GRM1: variants seen among roughly 807,000 people sequenced by gnomAD.
GRM1 encodes the protein glutamate metabotropic receptor 1.
Under a neutral mutation model 90.9 loss-of-function variants are expected in GRM1, and 33 were observed. The ratio of observed to expected loss-of-function variants is 0.36; its 90% CI spans 0.28 to 0.49. The LOEUF (loss-of-function observed/expected upper bound fraction) is 0.49, where lower values mean the gene tolerates loss of function less well. GRM1 is among the 20% of genes least tolerant of loss of function. The pLI is 0.99. For missense variants in GRM1, 1,190 were observed against 1,534.3 expected (o/e 0.78, Z 3.75); for synonymous variants, 700 against 613.2 (o/e 1.14, Z -2.09).
intron 2 of GRM1, among the ~76,000 whole-genome samples, chr6:146,255,959 T>C (rs893011898): frequency 3.9e-5 from 6 of 152,312 alleles, no homozygotes; most frequent in African/African-American, 1.4e-4. Flanking sequence ...TTGGTTTCCT[T>C]GTTGTGACAC....
chr6:146,387,127 G>A, intron 6 of GRM1, 111 bp downstream of exon 6: 1 of 1,057,370 alleles, frequency 9.5e-7, no homozygotes, highest in Non-Finnish European at 1.5e-6. Context: ...AATTTACAAT[G>A]CACACTTTTT....
At chr6:146,420,074 C>G (rs913129208) in intron 7 of GRM1, among the ~76,000 whole-genome samples, 2 of 152,198 alleles carry the variant, frequency 1.3e-5, no homozygotes, top group African/African-American at 4.8e-5. Flanking sequence ...TTGCTGATGT[C>G]TGCCATTGGG....
intron 1 of GRM1, among the ~76,000 whole-genome samples, chr6:146,097,326 G>T (rs1273755236): frequency 6.6e-6 from 1 of 152,016 alleles, no homozygotes; most frequent in Non-Finnish European, 1.5e-5. Context: ...GATTTTTGAT[G>T]ATTCTAAAAA....
At chr6:146,124,811 C>T (rs1776135258) in intron 1 of GRM1, among the ~76,000 whole-genome samples, 1 of 152,100 alleles carries the variant, frequency 6.6e-6, no homozygotes, top group Non-Finnish European at 1.5e-5. Context: ...TTATCTAAAA[C>T]TTCAAGAATC....
intron 1 of GRM1, among the ~76,000 whole-genome samples, chr6:146,034,469 T>C (rs9376976): frequency 0.39 from 59,309 of 151,786 alleles, 11,920 homozygotes; most frequent in Middle Eastern, 0.5. Flanking sequence ...CTTTTATGCT[T>C]GAACAGTTAT....
At chr6:146,028,663 T>C (rs1386476128), upstream of GRM1, among the ~76,000 whole-genome samples, 1 of 152,256 alleles carries the variant, frequency 6.6e-6, no homozygotes, top group Non-Finnish European at 1.5e-5. Flanking sequence ...GTAACTAATG[T>C]GGATTTTCTT....
chr6:146,288,795 C>T (rs1179953542), intron 2 of GRM1, among the ~76,000 whole-genome samples: 1 of 152,084 alleles, frequency 6.6e-6, no homozygotes, highest in African/African-American at 2.4e-5. Context: ...TGTGAGCCAT[C>T]GCGCGGGGCC....
At chr6:146,371,193 G>A (rs577036245) in intron 5 of GRM1, among the ~76,000 whole-genome samples, 1 of 152,062 alleles carries the variant, frequency 6.6e-6, no homozygotes, top group Non-Finnish European at 1.5e-5. Context: ...GGGAAAAACG[G>A]ATCAGTAATT....
In GRM1 at chr6:146,435,244, T is replaced by G. The variant is rs771316126; in HGVS notation, c.*448T>G. ...TGAGTTCACCTGATGGCATTCGGAG[T>G]GAGCTGGTGGAGCCAGACAGAGCAG... On this transcript the variant is annotated 3_prime_UTR_variant, in exon 8 of 8. Coordinates refer to ENST00000282753, the MANE Select transcript of GRM1 (RefSeq NM_001278064.2). 30 of 312,070 alleles carry G rather than the reference T, an allele frequency of 9.6e-5. No homozygotes were observed. The highest frequency in any genetic ancestry group is 1.6e-4 in the Non-Finnish European group (26 of 162,354). The allele number at this position is 312,070 out of a possible 1,614,324, so 19.3% of individuals were successfully genotyped here. A position where few individuals can be genotyped will look rare whatever the true frequency, so the allele number is the denominator to read the frequency against.
rs921713966 is a variant in GRM1 at position 146,414,464 on chromosome 6, C to T, written c.2660+14765C>T. Among the ~76,000 whole-genome samples the T allele has an allele frequency of 2.6e-5, 4 of 151,582 alleles. No homozygotes were observed. The South Asian group carries it at 6.3e-4, about 24-fold the overall frequency. On this transcript the variant is annotated intron_variant, in intron 7 of 7. Transcript: ENST00000282753. ...TGTCGTCCACGCTGGAGTGGAGTGG[C>T]ACGATCTCGGCGCACTGCAAGCTCC...
chr6:146,292,560 A>G (rs1407476206), intron 2 of GRM1, among the ~76,000 whole-genome samples: 1 of 151,990 alleles, frequency 6.6e-6, no homozygotes, highest in Non-Finnish European at 1.5e-5. Context: ...AATCAAAATC[A>G]CAATGAGATA....
intron 3 of GRM1, among the ~76,000 whole-genome samples, chr6:146,320,904 CTT>C (rs1198255272): frequency 6.6e-6 from 1 of 151,742 alleles, no homozygotes; most frequent in Admixed American, 6.6e-5. Context: ...TTTGGTTAAT[CTT>C]TTCAAAAAAG....
chr6:146,147,423 G>C (rs914499632), intron 1 of GRM1, among the ~76,000 whole-genome samples: 1 of 152,164 alleles, frequency 6.6e-6, no homozygotes, highest in Admixed American at 6.5e-5. Context: ...AAAGATGAAA[G>C]ATGATAATTA....
chr6:146,325,277 G>T (rs1291253683), intron 3 of GRM1, among the ~76,000 whole-genome samples: 1 of 152,156 alleles, frequency 6.6e-6, no homozygotes, highest in Non-Finnish European at 1.5e-5. Flanking sequence ...CCAATATAAT[G>T]AACTTCTTTC....
At chr6:146,396,203 G>T (rs1048338827) in intron 6 of GRM1, among the ~76,000 whole-genome samples, 3 of 151,996 alleles carry the variant, frequency 2.0e-5, no homozygotes, top group African/African-American at 7.3e-5. Context: ...TATATAGGAA[G>T]AATAAGTTCT....
intron 1 of GRM1, among the ~76,000 whole-genome samples, chr6:146,150,259 C>T (rs1777275103): frequency 6.6e-6 from 1 of 152,016 alleles, no homozygotes; most frequent in South Asian, 2.1e-4. Context: ...AGGAAACAAA[C>T]AAATTTAGAT....
chr6:146,095,253 C>A (rs899499104), intron 1 of GRM1, among the ~76,000 whole-genome samples: 1 of 152,122 alleles, frequency 6.6e-6, no homozygotes, highest in Non-Finnish European at 1.5e-5. Flanking sequence ...CTTCTGATAG[C>A]AGGGTGTACC....
intron 1 of GRM1, among the ~76,000 whole-genome samples, chr6:146,126,045 A>T (rs767103956): frequency 2.0e-5 from 3 of 152,100 alleles, no homozygotes; most frequent in Non-Finnish European, 4.4e-5. Flanking sequence ...AAACTAGAGA[A>T]AAATGATTTT....
intron 1 of GRM1, among the ~76,000 whole-genome samples, chr6:146,063,616 C>T: frequency 6.6e-6 from 1 of 152,106 alleles, no homozygotes; most frequent in Middle Eastern, 3.4e-3. Flanking sequence ...TTCTATGTCA[C>T]ATTGTGATTT....
Sources: allele counts gnomAD v4.1 joint callset (sites outside exome capture counted in the v4.1 genomes callset), GRCh38; gene constraint gnomAD v4.1.1; transcripts MANE v1.5; gene names NCBI Gene and HGNC (gene_info 2026-07-23, HGNC 2026-07-21).